SETBP1: variants seen among roughly 807,000 people sequenced by gnomAD.
SETBP1 encodes the protein SET binding protein 1.
A neutral mutation model predicts 101.0 loss-of-function variants in SETBP1; 9 were observed. The observed-to-expected ratio is 0.09, with a 90% CI of 0.05 to 0.16. The LOEUF is 0.16. Ranked by LOEUF, SETBP1 falls within the 10% of genes least tolerant of loss-of-function variation. SETBP1 has a pLI of 1.00. For missense variants in SETBP1, 1,858 were observed against 2,033.8 expected, an observed-to-expected ratio of 0.91 and a Z score of 1.66; for synonymous variants, 818 against 788.5, an observed-to-expected ratio of 1.04 and a Z score of -0.63.
chr18:44,804,533 G>T (rs1452467917), intron 2 of SETBP1, among the ~76,000 whole-genome samples: 1 of 152,116 alleles, frequency 6.6e-6, no homozygotes, highest in African/African-American at 2.4e-5. Flanking sequence ...GCAAGATTTG[G>T]TTTTGGGATC....
intron 4 of SETBP1, among the ~76,000 whole-genome samples, chr18:45,023,653 A>G (rs2073112514): frequency 6.6e-6 from 1 of 152,206 alleles, no homozygotes; most frequent in South Asian, 2.1e-4. Context: ...GCAGAGATCG[A>G]GCAATTAGTT....
intron 3 of SETBP1, among the ~76,000 whole-genome samples, chr18:44,903,361 G>A (rs1209188689): frequency 6.6e-6 from 1 of 152,166 alleles, no homozygotes; most frequent in Admixed American, 6.5e-5. Context: ...AAATGTCAGG[G>A]AAAAGGTAGA....
intron 2 of SETBP1, among the ~76,000 whole-genome samples, chr18:44,780,171 A>C (rs1200647139): frequency 6.6e-6 from 1 of 152,168 alleles, no homozygotes; most frequent in Admixed American, 6.5e-5. Flanking sequence ...GCAAGGAGGC[A>C]TGTGTTGTAG....
intron 1 of SETBP1, among the ~76,000 whole-genome samples, chr18:44,684,556 G>C (rs2068806440): frequency 6.7e-6 from 1 of 149,654 alleles, no homozygotes; most frequent in South Asian, 2.1e-4. Flanking sequence ...AGTTTCGTAG[G>C]TTCAGTCCAG....
intron 2 of SETBP1, among the ~76,000 whole-genome samples, chr18:44,792,226 C>CAAATACAGTGTCATGCTGGA: frequency 6.6e-6 from 1 of 152,270 alleles, no homozygotes; most frequent in South Asian, 2.1e-4. Context: ...CTACAATACG[C>CAAATACAGTGTCATGCTGGA]AAATACAGTG....
chr18:44,821,226 G>A (rs1428417631), intron 2 of SETBP1, among the ~76,000 whole-genome samples: 1 of 152,130 alleles, frequency 6.6e-6, no homozygotes, highest in Non-Finnish European at 1.5e-5. Flanking sequence ...CCACCTTCCA[G>A]CAAAGGCATT....
At chr18:44,802,713 G>A (rs1195414129) in intron 2 of SETBP1, among the ~76,000 whole-genome samples, 2 of 152,102 alleles carry the variant, frequency 1.3e-5, no homozygotes, top group Admixed American at 1.3e-4. Flanking sequence ...AATCTAATAA[G>A]ATGCCATATC....
At chr18:45,020,475 C>G (rs1479494822) in intron 4 of SETBP1, among the ~76,000 whole-genome samples, 1 of 152,028 alleles carries the variant, frequency 6.6e-6, no homozygotes, top group African/African-American at 2.4e-5. Flanking sequence ...AAAATGAGAT[C>G]TTTGTTATCT....
At chr18:44,793,899 G>A (rs945248520) in intron 2 of SETBP1, among the ~76,000 whole-genome samples, 3 of 152,164 alleles carry the variant, frequency 2.0e-5, no homozygotes, top group Non-Finnish European at 2.9e-5. Flanking sequence ...GGATTGTGGA[G>A]GACATGTTAT....
intron 4 of SETBP1, among the ~76,000 whole-genome samples, chr18:44,961,125 G>T (rs1652770643): frequency 6.6e-6 from 1 of 152,186 alleles, no homozygotes; most frequent in Non-Finnish European, 1.5e-5. Flanking sequence ...GAGTCAGAGG[G>T]AATGAAGGAA....
chr18:44,912,721 A>G (rs754404330), intron 3 of SETBP1, among the ~76,000 whole-genome samples: 2 of 151,968 alleles, frequency 1.3e-5, no homozygotes, highest in African/African-American at 4.8e-5. Context: ...CTGGCCAGAA[A>G]CTTTTCTTTA....
In SETBP1 at chr18:44,732,364, G is replaced by A. The variant is rs143424411; in HGVS notation, c.486+30532G>A. Among the ~76,000 whole-genome samples, 139 of 152,238 alleles carry A rather than the reference G, an allele frequency of 9.1e-4. No homozygotes were observed. In the East Asian group the frequency reaches 0.015, roughly 16 times the overall value. On this transcript the variant is annotated intron_variant, in intron 2 of 5. Transcript: ENST00000649279. ...AACCCCTGATGTCTTCTGCATGTAC[G>A]ATCAAAAATTCCTAGCTCCGGGAAC...
At chr18:44,756,636 T>A (rs1480975166) in intron 2 of SETBP1, among the ~76,000 whole-genome samples, 1 of 152,226 alleles carries the variant, frequency 6.6e-6, no homozygotes, top group Admixed American at 6.5e-5. Context: ...ATTCTTTGGA[T>A]GTGTCTCTCA....
intron 2 of SETBP1, among the ~76,000 whole-genome samples, chr18:44,823,591 A>C (rs1485077960): frequency 6.6e-6 from 1 of 152,210 alleles, no homozygotes; most frequent in Admixed American, 6.5e-5. Flanking sequence ...GGAGAAAAAT[A>C]TTCTAGAACA....
At chr18:45,046,702 G>T (rs1443455274) in intron 5 of SETBP1, among the ~76,000 whole-genome samples, 1 of 152,136 alleles carries the variant, frequency 6.6e-6, no homozygotes, top group Non-Finnish European at 1.5e-5. Context: ...TTGCATTGTG[G>T]CCAGAGTATT....
At position 44,950,850 on chromosome 18, in the gene SETBP1, A is replaced by T; in HGVS notation, c.1510A>T (p.Met504Leu). The part of the protein sequence containing the change: ...VSKPRKPPMV[M>L]TPPTCTDHSP... The stretch of plus-strand genomic sequence containing the variant: ...TAAGCCGCGGAAGCCACCCATGGTC[A>T]TGACACCTCCAACGTGCACAGATCA... The change falls in exon 4 of 6, where the codon ATG becomes TTG. Residue 504 changes from methionine to leucine, a missense_variant. Physicochemically the swap from Met to Leu is conservative, Grantham distance 15. Coordinates refer to ENST00000649279, the MANE Select transcript of SETBP1 (RefSeq NM_015559.3). The T allele has an allele frequency of 6.2e-7, 1 of 1,614,192 alleles. No individual in the cohort carries two copies. The highest frequency in any genetic ancestry group is 1.3e-5 in the African/African-American group (1 of 75,040).
chr18:44,995,584 A>G (rs1309100510), intron 4 of SETBP1, among the ~76,000 whole-genome samples: 1 of 147,350 alleles, frequency 6.8e-6, no homozygotes, highest in African/African-American at 2.5e-5. Context: ...TATAAAATGT[A>G]CATAGATAAT....
intron 3 of SETBP1, among the ~76,000 whole-genome samples, chr18:44,884,091 C>G (rs1195236213): frequency 6.6e-6 from 1 of 152,178 alleles, no homozygotes; most frequent in Non-Finnish European, 1.5e-5. Flanking sequence ...GTTAGCACCC[C>G]ATCTCTGGAT....
At chr18:44,853,771 C>T (rs1440459929) in intron 2 of SETBP1, among the ~76,000 whole-genome samples, 1 of 152,202 alleles carries the variant, frequency 6.6e-6, no homozygotes, top group Non-Finnish European at 1.5e-5. Context: ...GTCTAGTCCT[C>T]TTTCTACATT....
Sources: allele counts gnomAD v4.1 joint callset (sites outside exome capture counted in the v4.1 genomes callset), GRCh38; gene constraint gnomAD v4.1.1; transcripts MANE v1.5; gene names NCBI Gene and HGNC (gene_info 2026-07-23, HGNC 2026-07-21).